Variants in GPR19 observed in about 807,000 individuals in gnomAD.
GPR19 encodes probable G protein-coupled receptor 19.
GPR19 carries 14 observed loss-of-function variants against 28.5 expected under a neutral mutation model. The observed-to-expected ratio is 0.49, with a 90% CI of 0.32 to 0.77. The LOEUF (loss-of-function observed/expected upper bound fraction) is 0.77. Among genes scored for constraint, GPR19 ranks in the 30% least tolerant of loss-of-function variants. GPR19 has a pLI of 0.03. For synonymous variants in GPR19, 173 were observed against 184.1 expected, an observed-to-expected ratio of 0.94 and a Z score of 0.49; for missense variants, 409 against 504.1, an observed-to-expected ratio of 0.81 and a Z score of 1.81.
the GPR19 span, among the ~76,000 whole-genome samples, chr12:12,711,455 A>G: frequency 0.64 from 97,822 of 151,770 alleles, 31,951 homozygotes; most frequent in South Asian, 0.7. Context: ...AGAGTGGCGG[A>G]TTCTGAGGGG....
chr12:12,705,585 G>A, the GPR19 span, among the ~76,000 whole-genome samples: 1 of 150,750 alleles, frequency 6.6e-6, no homozygotes. Flanking sequence ...TCGCTCTGTT[G>A]CCCAGGCTGA....
the GPR19 span, among the ~76,000 whole-genome samples, chr12:12,705,424 T>G: frequency 2.8e-4 from 43 of 152,358 alleles, no homozygotes; most frequent in Admixed American, 7.2e-4. Flanking sequence ...TACAGTGATT[T>G]TCTAAGCAGA....
At chr12:12,666,140 T>C (rs1945775183) in intron 3 of GPR19, among the ~76,000 whole-genome samples, 1 of 152,102 alleles carries the variant, frequency 6.6e-6, no homozygotes, top group Admixed American at 6.5e-5. Context: ...GGTTGATCTT[T>C]TTTGGGGCCC....
At chr12:12,677,719 T>G (rs1019110300) in intron 3 of GPR19, among the ~76,000 whole-genome samples, 2 of 152,204 alleles carry the variant, frequency 1.3e-5, no homozygotes, top group African/African-American at 4.8e-5. Context: ...AGTTTATAAA[T>G]GATCATTTCT....
rs1566133373 is a variant in GPR19 at position 12,662,316 on chromosome 12, CACTT to C, written c.129_132del (p.Ser44ArgfsTer6). 1 of 1,614,230 alleles carries C rather than the reference CACTT, an allele frequency of 6.2e-7. No homozygotes were observed. The highest frequency in any genetic ancestry group is 2.2e-5 in the East Asian group (1 of 44,886). On this transcript the variant is annotated frameshift_variant, in exon 4 of 4. Coordinates refer to ENST00000651487, the MANE Select transcript of GPR19 (RefSeq NM_006143.3). LOFTEE classifies it high-confidence loss of function. The stretch of plus-strand genomic sequence containing the variant: ...TGGTTGCTCATCCAACTGTGCTCCT[CACTT>C]AATTCCATCAGGTATTGGCTTGGCA...
At chr12:12,716,627 A>G in the GPR19 span, 1 of 367,664 alleles carries the variant, frequency 2.7e-6, no homozygotes, top group Non-Finnish European at 3.8e-6. Context: ...TTTTTTTTTA[A>G]TCTTGAGTTC....
chr12:12,686,402 A>C (rs952579258), intron 2 of GPR19, among the ~76,000 whole-genome samples: 7 of 152,258 alleles, frequency 4.6e-5, no homozygotes, highest in African/African-American at 1.7e-4. Context: ...AAATTCATTT[A>C]TCAAAAAAGT....
chr12:12,704,181 A>C, the GPR19 span, among the ~76,000 whole-genome samples: 1 of 152,166 alleles, frequency 6.6e-6, no homozygotes, highest in African/African-American at 2.4e-5. Flanking sequence ...TGTAATACTT[A>C]ACTTGACTGT....
intron 3 of GPR19, among the ~76,000 whole-genome samples, chr12:12,671,476 AAGTAT>A (rs1945854891): frequency 1.3e-5 from 2 of 152,110 alleles, no homozygotes; most frequent in South Asian, 4.1e-4. Flanking sequence ...TAATATATAT[AAGTAT>A]TCCTCCATAA....
intron 2 of GPR19, among the ~76,000 whole-genome samples, chr12:12,688,178 A>AG (rs948290680): frequency 2.0e-5 from 3 of 152,060 alleles, no homozygotes; most frequent in Admixed American, 6.6e-5. Context: ...AGAGAGTGGG[A>AG]GGGGGGGTCA....
intron 3 of GPR19, 148 bp downstream of exon 3, chr12:12,684,202 AG>A (rs1566157091): frequency 1.3e-5 from 2 of 152,128 alleles, no homozygotes; most frequent in African/African-American, 4.8e-5. Flanking sequence ...AGAACTACCT[AG>A]GCATCTTTTC....
chr12:12,671,418 T>C (rs2136323188), intron 3 of GPR19, among the ~76,000 whole-genome samples: 1 of 152,262 alleles, frequency 6.6e-6, no homozygotes, highest in Non-Finnish European at 1.5e-5. Context: ...CACAAGCTTA[T>C]AGGCCTGGAA....
chr12:12,677,555 G>T (rs1945950776), intron 3 of GPR19, among the ~76,000 whole-genome samples: 1 of 152,072 alleles, frequency 6.6e-6, no homozygotes, highest in African/African-American at 2.4e-5. Flanking sequence ...GGGATTACAG[G>T]CATGAGCCAC....
At chr12:12,709,072 TTAC>T in the GPR19 span, among the ~76,000 whole-genome samples, 1 of 151,752 alleles carries the variant, frequency 6.6e-6, no homozygotes, top group Non-Finnish European at 1.5e-5. Context: ...AATTAAAGTA[TTAC>T]GTTAATTAGG....
intron 3 of GPR19, among the ~76,000 whole-genome samples, chr12:12,680,993 G>T (rs1161461176): frequency 6.6e-6 from 1 of 151,662 alleles, no homozygotes; most frequent in Non-Finnish European, 1.5e-5. Context: ...CTGGCCTAAG[G>T]TCTCCCTATG....
intron 2 of GPR19, among the ~76,000 whole-genome samples, chr12:12,690,497 C>A (rs115332344): frequency 1.9e-3 from 296 of 152,180 alleles, no homozygotes; most frequent in African/African-American, 7.0e-3. Context: ...GTGGTCAGAC[C>A]CAAGGTAGCT....
intron 3 of GPR19, among the ~76,000 whole-genome samples, chr12:12,665,204 G>A (rs1026861869): frequency 1.5e-4 from 23 of 152,150 alleles, no homozygotes; most frequent in Non-Finnish European, 2.2e-4. Context: ...TCCTTAATGC[G>A]CATACTTGAA....
chr12:12,681,636 C>T (rs1157646402), intron 3 of GPR19, among the ~76,000 whole-genome samples: 4 of 152,142 alleles, frequency 2.6e-5, no homozygotes, highest in East Asian at 1.9e-4. Flanking sequence ...TTTGTGCTTC[C>T]GTCAGGGCTG....
chr12:12,667,580 A>T (rs1945801379), intron 3 of GPR19, among the ~76,000 whole-genome samples: 1 of 152,034 alleles, frequency 6.6e-6, no homozygotes, highest in Non-Finnish European at 1.5e-5. Flanking sequence ...AGTCCCAGCT[A>T]CATGGGAGGC....
Sources: gnomAD v4.1 joint callset for allele counts (sites outside exome capture counted in the v4.1 genomes callset) on GRCh38, gnomAD v4.1.1 for gene constraint, MANE v1.5 for transcripts, NCBI Gene and HGNC (gene_info 2026-07-23, HGNC 2026-07-21) for gene names.